Variants in GON4L observed in about 807,000 individuals in gnomAD.
GON4L encodes GON-4-like protein.
In GON4L, 87 loss-of-function variants were observed where a neutral mutation model predicts 211.8. The ratio of observed to expected loss-of-function variants is 0.41; its 90% CI spans 0.35 to 0.49. The LOEUF is 0.49. Among genes scored for constraint, GON4L ranks in the 20% least tolerant of loss-of-function variants. The pLI is 0.15. For missense variants in GON4L, 2,155 were observed against 2,659.5 expected (o/e 0.81, Z 4.17); for synonymous variants, 875 against 962.6 (o/e 0.91, Z 1.68).
intron 21 of GON4L, among the ~76,000 whole-genome samples, chr1:155,763,894 T>C (rs1662111186): frequency 6.6e-6 from 1 of 151,552 alleles, no homozygotes; most frequent in African/African-American, 2.4e-5. Flanking sequence ...TCCCAGCTAC[T>C]TGGGAGGTTG....
chr1:155,811,210 G>C (rs1488804915), intron 10 of GON4L, among the ~76,000 whole-genome samples: 1 of 151,314 alleles, frequency 6.6e-6, no homozygotes, highest in East Asian at 2.0e-4. Flanking sequence ...GGCTAACACG[G>C]TGAAACCCCC....
Position 155,784,094 on chromosome 1 carries a change from G to C in GON4L, c.1789-5C>G, listed in dbSNP as rs1237857840. ...GAATCCCATCTCATCTTGGAACTGTGGGCAAAGGAAAGGGAGGGTTTTCCT... is the reference window on the plus strand; with the variant it reads ...GAATCCCATCTCATCTTGGAACTGTCGGCAAAGGAAAGGGAGGGTTTTCCT... On this transcript the variant is annotated splice_region_variant and splice_polypyrimidine_tract_variant and intron_variant, in intron 13 of 31. Transcript: ENST00000368331. 1 of 1,613,716 alleles carries C rather than the reference G, an allele frequency of 6.2e-7. No individual in the cohort carries two copies. Among genetic ancestry groups the C allele is most frequent in the Non-Finnish European group, 8.5e-7 (1 of 1,179,688 alleles).
chr1:155,855,026 A>G (rs932937467), intron 1 of GON4L, among the ~76,000 whole-genome samples: 5 of 151,794 alleles, frequency 3.3e-5, no homozygotes, highest in African/African-American at 1.2e-4. Context: ...ACAAGAGCGA[A>G]ACTCCATCTC....
chr1:155,761,025 G>A (rs1661728654), intron 23 of GON4L, among the ~76,000 whole-genome samples: 1 of 152,142 alleles, frequency 6.6e-6, no homozygotes, highest in African/African-American at 2.4e-5. Flanking sequence ...ACATAAGTTA[G>A]GAATGTCAGT....
intron 11 of GON4L, among the ~76,000 whole-genome samples, chr1:155,798,141 C>G (rs1470790302): frequency 6.7e-6 from 1 of 148,782 alleles, no homozygotes; most frequent in Non-Finnish European, 1.5e-5. Flanking sequence ...TATACTTATA[C>G]AGACACACAT....
chr1:155,800,263 A>T (rs1349351909), intron 11 of GON4L, among the ~76,000 whole-genome samples: 3 of 152,158 alleles, frequency 2.0e-5, no homozygotes, highest in Non-Finnish European at 4.4e-5. Flanking sequence ...ATATACTTTT[A>T]AAAAATGGTT....
chr1:155,816,833 T>C (rs1668295215), intron 6 of GON4L, among the ~76,000 whole-genome samples: 1 of 150,492 alleles, frequency 6.6e-6, no homozygotes, highest in Admixed American at 6.6e-5. Flanking sequence ...TTTCATGTTG[T>C]CCACACTTAT....
At chr1:155,814,679 G>C (rs1031264208) in intron 8 of GON4L, among the ~76,000 whole-genome samples, 1 of 152,008 alleles carries the variant, frequency 6.6e-6, no homozygotes, top group Non-Finnish European at 1.5e-5. Flanking sequence ...CCAGGAGATG[G>C]AGGTTGCAGT....
intron 12 of GON4L, among the ~76,000 whole-genome samples, chr1:155,793,076 G>C (rs750375697): frequency 9.9e-5 from 15 of 151,990 alleles, no homozygotes; most frequent in Non-Finnish European, 1.9e-4. Context: ...CCAGCCAAAA[G>C]ACTCTTCCTT....
rs1281851959 is a variant in GON4L, at chr1:155,826,983, G to C, written c.551C>G (p.Ser184Ter). 2 of 1,614,008 alleles carry C rather than the reference G, an allele frequency of 1.2e-6. No homozygotes were observed. Among genetic ancestry groups the C allele is most frequent in the East Asian group, 2.2e-5 (1 of 44,880 alleles). ...NSEGEIPSLP[S>*]GSQSAKPVSQ... ...TACTGGTTTTGCAGATTGGCTGCCT[G>C]ATGGCAGGGAAGGTATCTCCCCTTC... The change falls in exon 3 of 32, where the codon TCA becomes TGA. Residue 184 changes from serine to a stop codon, truncating the protein, a stop_gained. Transcript: ENST00000368331. LOFTEE classifies it high-confidence loss of function.
chr1:155,844,240 T>C (rs1015072503), intron 2 of GON4L, among the ~76,000 whole-genome samples: 7 of 152,128 alleles, frequency 4.6e-5, no homozygotes, highest in African/African-American at 1.7e-4. Flanking sequence ...AATTCAGGAA[T>C]CTCTGGACTC....
chr1:155,856,762 AAAAAAG>A lies in GON4L; in HGVS notation c.-27+379_-27+384del, dbSNP rs577934083. ...AATTACTGAGATCAAAAAAAGGGGAAAAAAAGAAAAAGAAAGAAAGAAAAAGAAGGA... is the reference window on the plus strand; with the variant it reads ...AATTACTGAGATCAAAAAAAGGGGAAAAAAAGAAAGAAAGAAAAAGAAGGA... On this transcript the variant is annotated intron_variant, in intron 1 of 31. Transcript: ENST00000368331. 1.2e-3 allele frequency among the ~76,000 whole-genome samples: 182 copies of A among 152,194 alleles called. 1 individual carries two copies. The highest frequency in any genetic ancestry group is 4.2e-3 in the African/African-American group (175 of 41,486).
chr1:155,762,155 G>C (rs751633319), intron 23 of GON4L, 35 bp downstream of exon 23: 1 of 1,531,656 alleles, frequency 6.5e-7, no homozygotes, highest in Non-Finnish European at 9.0e-7. Flanking sequence ...CACATTCATA[G>C]AGACTGGCAA....
chr1:155,834,369 G>C (rs1670101138), intron 2 of GON4L, among the ~76,000 whole-genome samples: 1 of 152,102 alleles, frequency 6.6e-6, no homozygotes, highest in Non-Finnish European at 1.5e-5. Context: ...CTCAAGGCAA[G>C]GTTGTCTTCA....
intron 1 of GON4L, among the ~76,000 whole-genome samples, chr1:155,854,579 C>T (rs996898540): frequency 6.6e-6 from 1 of 152,216 alleles, no homozygotes; most frequent in Non-Finnish European, 1.5e-5. Context: ...GTGGAAGTTA[C>T]TCAACCTGAA....
At chr1:155,750,919 A>G (rs1660509184) in intron 31 of GON4L, among the ~76,000 whole-genome samples, 186 bp from the exon 32 acceptor site, 1 of 152,146 alleles carries the variant, frequency 6.6e-6, no homozygotes, top group South Asian at 2.1e-4. Flanking sequence ...GCCCACCACC[A>G]CACCTGACTA....
At chr1:155,855,570 T>C (rs1452543668) in intron 1 of GON4L, among the ~76,000 whole-genome samples, 2 of 152,200 alleles carry the variant, frequency 1.3e-5, no homozygotes, top group East Asian at 1.9e-4. Context: ...TGAGTATTGA[T>C]ACTCAATGTG....
At chr1:155,804,901 C>A in intron 11 of GON4L, 48 bp downstream of exon 11, 3 of 1,381,508 alleles carry the variant, frequency 2.2e-6, no homozygotes, top group Admixed American at 1.7e-5. Flanking sequence ...AAAAATTTTA[C>A]AACAGATAAT....
At chr1:155,848,321 C>T (rs1671446696) in intron 2 of GON4L, among the ~76,000 whole-genome samples, 1 of 152,214 alleles carries the variant, frequency 6.6e-6, no homozygotes, top group South Asian at 2.1e-4. Context: ...TGAAGGCATG[C>T]ATCACCATCC....
Sources: gnomAD v4.1 joint callset for allele counts (sites outside exome capture counted in the v4.1 genomes callset) on GRCh38, gnomAD v4.1.1 for gene constraint, MANE v1.5 for transcripts, NCBI Gene and HGNC (gene_info 2026-07-23, HGNC 2026-07-21) for gene names.